CFAP251: variants seen among roughly 807,000 people sequenced by gnomAD.
CFAP251 encodes the protein cilia- and flagella-associated protein 251.
CFAP251 carries 93 observed loss-of-function variants against 126.7 expected under a neutral mutation model. The ratio of observed to expected loss-of-function variants is 0.73; its 90% confidence interval spans 0.62 to 0.87. The LOEUF is 0.87. Among genes scored for constraint, CFAP251 ranks in the 40% least tolerant of loss-of-function variants. CFAP251 has a pLI of 0.00. For synonymous variants in CFAP251, 503 were observed against 506.9 expected (o/e 0.99, Z 0.10); for missense variants, 1,287 against 1,389.2 (o/e 0.93, Z 1.17).
chr12:121,967,022 A>T lies in CFAP251; in HGVS notation c.2560A>T (p.Met854Leu). The T allele has an allele frequency of 6.2e-7, 1 of 1,614,264 alleles. No individual in the cohort carries two copies. Among genetic ancestry groups the T allele is most frequent in the Non-Finnish European group, 8.5e-7 (1 of 1,180,044 alleles). Residue 854 changes from methionine to leucine, a missense_variant, in exon 16 of 22, where the codon ATG becomes TTG. Transcript: ENST00000288912. ...EQTQVLPVRS[M>L]AELQKRYLVF... ...GACACAAGTCCTCCCAGTGAGAAGC[A>T]TGGCGGAGCTACAGAAACGCTACTT...
Position 121,999,041 on chromosome 12 carries a change from G to A in CFAP251, c.3007-675G>A, listed in dbSNP as rs1883091292. 2.0e-5 allele frequency: 3 copies of A among 152,040 alleles called. No individual in the cohort carries two copies. In the South Asian group the frequency reaches 6.2e-4, roughly 32 times the overall value. The allele number at this position is 152,040 out of a possible 1,614,324, so 9.4% of individuals were successfully genotyped here. A position where few individuals can be genotyped will look rare whatever the true frequency, so the allele number is the denominator to read the frequency against. On this transcript the variant is annotated intron_variant, in intron 19 of 21. Transcript: ENST00000288912. Reference sequence around the variant, plus strand: ...GTTTTTCACACATGCCCGTTATTGGGTTGAGGAAGCTTCTTTCTATTCCTA... The same window carrying A: ...GTTTTTCACACATGCCCGTTATTGGATTGAGGAAGCTTCTTTCTATTCCTA...
chr12:121,975,157 G>T lies in CFAP251; in HGVS notation c.2772-87G>T, dbSNP rs181797814. The T allele has an allele frequency of 1.4e-3, 1,492 of 1,038,634 alleles. 5 individuals carry two copies. The highest frequency in any genetic ancestry group is 1.9e-3 in the Non-Finnish European group (1,274 of 665,890). 64.3% of individuals were successfully genotyped at this position (1,038,634 alleles called of 1,614,324 possible). ...TGTATCTGTGCTGTGATACCCTTCA[G>T]AGGGCCGCAGTGCTGTGCGGACCAC... is the stretch of plus-strand genomic sequence containing the variant. On this transcript the variant is annotated intron_variant, in intron 17 of 21. Transcript: ENST00000288912.
rs187347151 is a variant in CFAP251, at chr12:121,953,023, A to G, written c.1321-1097A>G. ...CAATACATAAGCTTGTTTTATGTGT[A>G]TTTCTATTTAAAGACACTTTATTTA... On this transcript the variant is annotated intron_variant, in intron 9 of 21. Coordinates refer to ENST00000288912, the MANE Select transcript of CFAP251 (RefSeq NM_144668.6). 196 of 152,302 alleles carry G rather than the reference A, an allele frequency of 1.3e-3. 1 individual carries two copies. Among genetic ancestry groups the G allele is most frequent in the African/African-American group, 4.5e-3 (189 of 41,560 alleles). The allele number at this position is 152,302 out of a possible 1,614,324, so 9.4% of individuals were successfully genotyped here. A position where few individuals can be genotyped will look rare whatever the true frequency, so the allele number is the denominator to read the frequency against.
intron 2 of CFAP251, among the ~76,000 whole-genome samples, chr12:121,923,173 C>T (rs1430197657): frequency 2.6e-5 from 4 of 151,234 alleles, no homozygotes; most frequent in African/African-American, 7.3e-5. Flanking sequence ...CTCATCCCTC[C>T]TTCCTTTCTG....
chr12:121,952,820 C>A (rs1449588371), intron 9 of CFAP251: 1 of 152,188 alleles, frequency 6.6e-6, no homozygotes, highest in Non-Finnish European at 1.5e-5. Context: ...ATTCTGTCTG[C>A]AGACTTGTTT....
intron 5 of CFAP251, among the ~76,000 whole-genome samples, chr12:121,938,972 G>T (rs538259564): frequency 6.8e-6 from 1 of 148,048 alleles, no homozygotes; most frequent in Non-Finnish European, 1.5e-5. Context: ...GGGCGACAGA[G>T]CGAGAATTCA....
At chr12:121,983,051 A>C (rs937694841) in intron 19 of CFAP251, among the ~76,000 whole-genome samples, 15 of 152,298 alleles carry the variant, frequency 9.8e-5, no homozygotes, top group Non-Finnish European at 2.1e-4. Context: ...GGGCAACATA[A>C]GGAGACCCGT....
rs554773971 is a variant in CFAP251, at chr12:121,945,481, C to T, written c.1191+2506C>T. Reference sequence around the variant, plus strand: ...GCCTCAACCTCCTGGGTAGCTGGGACTACAGGCACGTGCCACCATGCCTGG... The same window carrying T: ...GCCTCAACCTCCTGGGTAGCTGGGATTACAGGCACGTGCCACCATGCCTGG... On this transcript the variant is annotated intron_variant, in intron 7 of 21. Transcript: ENST00000288912. Among the ~76,000 whole-genome samples the T allele has an allele frequency of 3.1e-3, 464 of 151,452 alleles. 11 individuals carry two copies. Among genetic ancestry groups the T allele is most frequent in the Non-Finnish European group, 7.1e-4 (48 of 67,844 alleles).
At chr12:121,921,225 A>C in intron 1 of CFAP251, 61 bp from the exon 2 acceptor site, 2 of 1,503,336 alleles carry the variant, frequency 1.3e-6, no homozygotes, top group Non-Finnish European at 1.8e-6. Flanking sequence ...AGGTTAGTGC[A>C]CTAGGAGATG....
chr12:122,002,436 A>G (rs2135822334), intron 21 of CFAP251, among the ~76,000 whole-genome samples: 1 of 152,174 alleles, frequency 6.6e-6, no homozygotes, highest in African/African-American at 2.4e-5. Flanking sequence ...GCTACTCAGG[A>G]GGCTTAAGTG....
At chr12:121,971,994 C>T (rs756289330) in intron 17 of CFAP251, 45 of 242,612 alleles carry the variant, frequency 1.9e-4, no homozygotes, top group Non-Finnish European at 3.0e-4. Flanking sequence ...TGAGACGTGC[C>T]TTTCACCTTC....
At chr12:122,002,043 C>G (rs1044276547) in intron 21 of CFAP251, 1 of 191,172 alleles carries the variant, frequency 5.2e-6, no homozygotes, top group African/African-American at 2.3e-5. Context: ...GGCAACATAG[C>G]GAGATCCCAT....
Position 121,951,473 on chromosome 12 carries a change from T to C in CFAP251, c.1270-7T>C. On this transcript the variant is annotated splice_region_variant and splice_polypyrimidine_tract_variant and intron_variant, in intron 8 of 21. Coordinates refer to ENST00000288912, the MANE Select transcript of CFAP251 (RefSeq NM_144668.6). ...TTTGAGTAGTGATTATTTTTTCCTC[T>C]TATCAGTATGAAGAGAGGGATACAC... The C allele has an allele frequency of 6.5e-7, 1 of 1,546,538 alleles. No individual in the cohort carries two copies. The highest frequency in any genetic ancestry group is 8.9e-7 in the Non-Finnish European group (1 of 1,129,902).
intron 17 of CFAP251, chr12:121,972,099 C>G (rs1290351945): frequency 5.2e-6 from 1 of 190,782 alleles, no homozygotes; most frequent in Non-Finnish European, 1.1e-5. Context: ...TCTTTATCAG[C>G]AGCATGAAAA....
In CFAP251 at chr12:121,954,248, C is replaced by A. The variant is rs781230064; in HGVS notation, c.1449C>A (p.Ser483=). 3 of 1,614,040 alleles carry A rather than the reference C, an allele frequency of 1.9e-6. No homozygotes were observed. In the Admixed American group the frequency reaches 5.0e-5, roughly 27 times the overall value. Residue 483 remains serine, a synonymous_variant, in exon 10 of 22, where the codon TCC becomes TCA. Coordinates refer to ENST00000288912, the MANE Select transcript of CFAP251 (RefSeq NM_144668.6). ...WDIHRPPSSA[S]TFLGFPYIKP... ...TACACCGCCCACCCTCATCTGCCTC[C>A]ACCTTTTTGGGCTTTCCCTATATCA...
chr12:121,961,952 G>C lies in CFAP251; in HGVS notation c.2308-26G>C, dbSNP rs1386408794. On this transcript the variant is annotated intron_variant, in intron 14 of 21. Coordinates refer to ENST00000288912, the MANE Select transcript of CFAP251 (RefSeq NM_144668.6). ...GCCTTTAATTTGGCTTGGTCCTCATGTGTGTCCATCTGGGCTCCTCTGCAG... is the reference window on the plus strand; with the variant it reads ...GCCTTTAATTTGGCTTGGTCCTCATCTGTGTCCATCTGGGCTCCTCTGCAG... 2.5e-6 allele frequency: 4 copies of C among 1,606,484 alleles called. No individual in the cohort carries two copies. In the East Asian group the frequency reaches 8.9e-5, roughly 36 times the overall value.
chr12:121,932,138 T>TTTTTTTTTTTTTTTTTTGAGACGG, intron 4 of CFAP251: 1 of 272,380 alleles, frequency 3.7e-6, no homozygotes, highest in Admixed American at 5.5e-5. Context: ...CTGTATTTTT[T>TTTTTTTTTTTTTTTTTTGAGACGG]ACACTTCTGC....
chr12:121,988,814 C>T (rs1025456879), intron 19 of CFAP251, among the ~76,000 whole-genome samples: 1 of 150,668 alleles, frequency 6.6e-6, no homozygotes, highest in Non-Finnish European at 1.5e-5. Flanking sequence ...CGGCTCACTG[C>T]AGCCTCTGCC....
At chr12:121,952,290 T>A (rs191701715) in intron 9 of CFAP251, among the ~76,000 whole-genome samples, 2 of 139,818 alleles carry the variant, frequency 1.4e-5, no homozygotes, top group Non-Finnish European at 3.0e-5. Context: ...CAGGGTGGTA[T>A]GAGTCTGTGG....
Sources: gnomAD v4.1 joint callset for allele counts (sites outside exome capture counted in the v4.1 genomes callset) on GRCh38, gnomAD v4.1.1 for gene constraint, MANE v1.5 for transcripts, NCBI Gene and HGNC (gene_info 2026-07-23, HGNC 2026-07-21) for gene names.